Variants in CMSS1 observed in about 807,000 individuals in gnomAD.
CMSS1 encodes the protein cms1 ribosomal small subunit homolog.
CMSS1 carries 33 observed loss-of-function variants against 43.5 expected under a neutral mutation model. The ratio of observed to expected loss-of-function variants is 0.76; its 90% CI spans 0.57 to 1.01. The LOEUF (loss-of-function observed/expected upper bound fraction) is 1.01, where lower values mean the gene tolerates loss of function less well. CMSS1 is among the 50% of genes least tolerant of loss of function. The pLI is 0.00. For missense variants in CMSS1, 313 were observed against 326.4 expected (o/e 0.96, Z 0.32); for synonymous variants, 115 against 117.2 (o/e 0.98, Z 0.12).
At chr3:100,120,156 A>C (rs903081260) in intron 1 of CMSS1, among the ~76,000 whole-genome samples, 1 of 152,272 alleles carries the variant, frequency 6.6e-6, no homozygotes, top group African/African-American at 2.4e-5. Flanking sequence ...CATGTTCTTC[A>C]ATAATGCCAA....
At chr3:100,164,567 C>T (rs1334756005) in intron 4 of CMSS1, among the ~76,000 whole-genome samples, 1 of 152,034 alleles carries the variant, frequency 6.6e-6, no homozygotes, top group Non-Finnish European at 1.5e-5. Flanking sequence ...CCAAAAAGGA[C>T]AGGTTTTTAT....
intron 1 of CMSS1, among the ~76,000 whole-genome samples, chr3:100,007,769 A>G (rs1405497371): frequency 6.6e-6 from 1 of 152,176 alleles, no homozygotes; most frequent in African/African-American, 2.4e-5. Context: ...GTGATATAGT[A>G]CTGATAGAAA....
At chr3:99,872,828 T>C (rs1266418989) in intron 1 of CMSS1, among the ~76,000 whole-genome samples, 2 of 152,100 alleles carry the variant, frequency 1.3e-5, no homozygotes, top group Non-Finnish European at 2.9e-5. Flanking sequence ...CCAGGGACTT[T>C]CCTTGGTAAG....
intron 1 of CMSS1, among the ~76,000 whole-genome samples, chr3:99,867,255 TTATC>T (rs1944564506): frequency 1.3e-5 from 2 of 152,178 alleles, no homozygotes; most frequent in African/African-American, 4.8e-5. Flanking sequence ...CCCATTTAGT[TTATC>T]TATGTGAGAA....
chr3:99,965,548 A>G (rs1708624838), intron 1 of CMSS1, among the ~76,000 whole-genome samples: 1 of 152,170 alleles, frequency 6.6e-6, no homozygotes, highest in South Asian at 2.1e-4. Context: ...TTGTAGGGTA[A>G]ACATACCTGA....
intron 1 of CMSS1, among the ~76,000 whole-genome samples, chr3:100,129,480 A>G (rs1455709792): frequency 6.6e-6 from 1 of 152,248 alleles, no homozygotes; most frequent in African/African-American, 2.4e-5. Flanking sequence ...GGTAATTGCT[A>G]CTTAAGAGGA....
At chr3:100,114,954 G>C in intron 1 of CMSS1, 2 of 1,535,358 alleles carry the variant, frequency 1.3e-6, no homozygotes, top group Non-Finnish European at 1.7e-6. Flanking sequence ...AGACACGAGG[G>C]CAAAGTGCTG....
rs977244914 is a variant in CMSS1 at position 100,040,961 on chromosome 3, T to C, written c.65-106012T>C. 3.3e-5 allele frequency: 5 copies of C among 152,360 alleles called. No homozygotes were observed. The South Asian group carries it at 8.3e-4, about 25-fold the overall frequency. The allele number at this position is 152,360 out of a possible 1,614,324, so 9.4% of individuals were successfully genotyped here. A position where few individuals can be genotyped will look rare whatever the true frequency, so the allele number is the denominator to read the frequency against. ...GAAAAAGGTTTTTATAACGAGTTCA[T>C]GTATTCCACTATGAATTTTGCTGAA... On this transcript the variant is annotated intron_variant, in intron 1 of 9. Transcript: ENST00000421999.
intron 1 of CMSS1, among the ~76,000 whole-genome samples, chr3:99,913,202 A>T (rs1706846725): frequency 6.6e-6 from 1 of 152,212 alleles, no homozygotes; most frequent in South Asian, 2.1e-4. Context: ...TTTACAAGCC[A>T]CCCAATCTCT....
intron 1 of CMSS1, among the ~76,000 whole-genome samples, chr3:99,856,734 C>T (rs962774171): frequency 6.6e-6 from 1 of 152,172 alleles, no homozygotes; most frequent in Non-Finnish European, 1.5e-5. Flanking sequence ...TTCTTCATTA[C>T]AAATGATACA....
chr3:100,047,567 T>C (rs893477161), intron 1 of CMSS1, among the ~76,000 whole-genome samples: 1 of 152,206 alleles, frequency 6.6e-6, no homozygotes, highest in African/African-American at 2.4e-5. Context: ...AAAACACTGG[T>C]ATTACCACAT....
intron 2 of CMSS1, among the ~76,000 whole-genome samples, chr3:100,148,699 C>T (rs1359750826): frequency 6.6e-6 from 1 of 152,114 alleles, no homozygotes; most frequent in East Asian, 1.9e-4. Context: ...GCACTTCAAA[C>T]AGTGGTTATC....
At chr3:100,116,022 T>A (rs1010835362) in intron 1 of CMSS1, among the ~76,000 whole-genome samples, 4 of 152,230 alleles carry the variant, frequency 2.6e-5, no homozygotes, top group Non-Finnish European at 4.4e-5. Flanking sequence ...TGATGTTTCC[T>A]CATTGTGAGA....
chr3:100,085,077 G>A (rs936553848), intron 1 of CMSS1, among the ~76,000 whole-genome samples: 1 of 152,102 alleles, frequency 6.6e-6, no homozygotes, highest in South Asian at 2.1e-4. Flanking sequence ...AAACTAAGCC[G>A]TATCCCCTAA....
intron 1 of CMSS1, among the ~76,000 whole-genome samples, chr3:99,932,678 T>G (rs564113999): frequency 9.2e-5 from 14 of 152,132 alleles, no homozygotes; most frequent in Admixed American, 8.5e-4. Flanking sequence ...TTACCCGAGG[T>G]CAGGAGTTCA....
At chr3:100,031,510 A>G (rs1387176995) in intron 1 of CMSS1, among the ~76,000 whole-genome samples, 3 of 152,136 alleles carry the variant, frequency 2.0e-5, no homozygotes, top group East Asian at 3.9e-4. Context: ...TCAGAGCGCA[A>G]CAAGGAAGAA....
chr3:100,107,536 A>T (rs114262672), intron 1 of CMSS1, among the ~76,000 whole-genome samples: 2 of 152,242 alleles, frequency 1.3e-5, no homozygotes, highest in South Asian at 4.1e-4. Context: ...TCTGAAACTA[A>T]CCTAACCACT....
chr3:100,059,397 A>C (rs2065520747), intron 1 of CMSS1, among the ~76,000 whole-genome samples: 1 of 152,202 alleles, frequency 6.6e-6, no homozygotes, highest in African/African-American at 2.4e-5. Context: ...TTTTAGCCTC[A>C]TCTCCGTGAT....
chr3:100,040,218 A>G (rs1000546537), intron 1 of CMSS1: 2 of 152,214 alleles, frequency 1.3e-5, no homozygotes, highest in African/African-American at 4.8e-5. Context: ...CTTACCACTT[A>G]CAACATAAGA....
Sources: gnomAD v4.1 joint callset for allele counts (sites outside exome capture counted in the v4.1 genomes callset) on GRCh38, gnomAD v4.1.1 for gene constraint, MANE v1.5 for transcripts, NCBI Gene and HGNC (gene_info 2026-07-23, HGNC 2026-07-21) for gene names.